Variants in TNS2 observed in about 807,000 individuals in gnomAD.
The protein encoded by TNS2 is tensin-2.
In TNS2, 77 loss-of-function variants were observed where a neutral mutation model predicts 155.7. The observed-to-expected ratio is 0.49, with a 90% CI of 0.41 to 0.60. The LOEUF is 0.60. Ranked by LOEUF, TNS2 falls within the 20% of genes least tolerant of loss-of-function variation. The pLI, the probability that TNS2 is intolerant of heterozygous loss-of-function variation, is 0.00. For missense variants in TNS2, 1,703 were observed against 1,868.8 expected (o/e 0.91, Z 1.64); for synonymous variants, 726 against 763.9 (o/e 0.95, Z 0.82).
Position 53,054,356 on chromosome 12 carries a change from C to T in TNS2, c.437C>T (p.Pro146Leu), listed in dbSNP as rs1944051671. The T allele has an allele frequency of 2.5e-6, 4 of 1,612,552 alleles. No homozygotes were observed. The highest frequency in any genetic ancestry group is 3.4e-6 in the Non-Finnish European group (4 of 1,179,818). The change falls in exon 7 of 29, where the codon CCC (proline) becomes CTC (leucine). Residue 146 changes from proline (P) to leucine (L), a missense_variant. Pro to Leu is a moderately conservative substitution (Grantham distance 98). Transcript: ENST00000314250. ...VTERILAAAFPARPDEQRHRG... is the reference protein window; with the variant it reads ...VTERILAAAFLARPDEQRHRG... ...GAGCGCATCTTGGCCGCCGCCTTCC[C>T]CGCGCGGCCCGATGAACAGCGGCAC... is the stretch of plus-strand genomic sequence containing the variant.
At chr12:53,053,919 AG>A (rs764760032) in intron 5 of TNS2, 45 bp from the exon 6 acceptor site, 8 of 1,614,016 alleles carry the variant, frequency 5.0e-6, no homozygotes, top group Middle Eastern at 1.6e-4. Context: ...AGTCTAGAGT[AG>A]GGGGTACCCA....
Position 53,063,960 on chromosome 12 carries a change from G to A in TNS2, c.*78G>A, listed in dbSNP as rs1807312357. The A allele has an allele frequency of 1.3e-6, 2 of 1,523,666 alleles. No individual in the cohort carries two copies. The highest frequency in any genetic ancestry group is 1.8e-6 in the Non-Finnish European group (2 of 1,122,202). The allele number at this position is 1,523,666 out of a possible 1,614,324, so 94.4% of individuals were successfully genotyped here. A position where few individuals can be genotyped will look rare whatever the true frequency, so the allele number is the denominator to read the frequency against. On this transcript the variant is annotated 3_prime_UTR_variant, in exon 29 of 29. Transcript: ENST00000314250. The surrounding 1 kb of genome is among the most constrained non-coding windows in gnomAD (Gnocchi z 5.6). ...CCACAGCCCTCACATCCCCTGGCCT[G>A]GACCCAGGAGACCCAGGAGAAAGCA... is the stretch of plus-strand genomic sequence containing the variant.
chr12:53,058,140 T>C, intron 14 of TNS2, 38 bp downstream of exon 14: 5 of 1,613,686 alleles, frequency 3.1e-6, no homozygotes, highest in Non-Finnish European at 4.2e-6. Flanking sequence ...ATCCTGGAGA[T>C]GGGGCAGGGG....
At chr12:53,058,154 G>C in intron 14 of TNS2, 52 bp downstream of exon 14, 5 of 1,613,166 alleles carry the variant, frequency 3.1e-6, no homozygotes, top group Non-Finnish European at 4.2e-6. Context: ...GCAGGGGTTG[G>C]TGGTGTAACG....
In TNS2 at chr12:53,054,390, C is replaced by A. The variant is rs750638637; in HGVS notation, c.471C>A (p.His157Gln). 6.2e-7 allele frequency: 1 copy of A among 1,610,862 alleles called. No homozygotes were observed. Among genetic ancestry groups the A allele is most frequent in the African/African-American group, 1.3e-5 (1 of 74,768 alleles). ...CCGATGAACAGCGGCACCGGGGCCA[C>A]CTGCGCGAGCTGGCCCATGTGCTGC... The part of the protein sequence containing the change: ...ARPDEQRHRG[H>Q]LRELAHVLQS... The change falls in exon 7 of 29, where the codon CAC becomes CAA. Residue 157 changes from histidine (H) to glutamine (Q), a missense_variant. Coordinates refer to ENST00000314250, the MANE Select transcript of TNS2 (RefSeq NM_170754.4).
chr12:53,060,340 G>A lies in TNS2; in HGVS notation c.2618-65G>A. 6.3e-7 allele frequency: 1 copy of A among 1,577,386 alleles called. No individual in the cohort carries two copies. The highest frequency in any genetic ancestry group is 8.6e-7 in the Non-Finnish European group (1 of 1,158,796). On this transcript the variant is annotated intron_variant, in intron 18 of 28. Coordinates refer to ENST00000314250, the MANE Select transcript of TNS2 (RefSeq NM_170754.4). The surrounding 1 kb of genome is among the most constrained non-coding windows in gnomAD (Gnocchi z 6.1). ...GGGAAGTCAAGGGGGAACAGGGTGA[G>A]AAACAGCTAAGCCAGACAGAAGAGC...
At position 53,057,045 on chromosome 12, in the gene TNS2, G is replaced by A. The variant is rs148774949; in HGVS notation, c.794G>A (p.Arg265Gln). The A allele has an allele frequency of 3.7e-5, 59 of 1,613,638 alleles. No individual in the cohort carries two copies. Among genetic ancestry groups the A allele is most frequent in the Middle Eastern group, 1.6e-4 (1 of 6,084 alleles). The change falls in exon 11 of 29, where the codon CGG becomes CAG. Residue 265 changes from arginine to glutamine, a missense_variant. By Grantham distance (43) the Arg-to-Gln change is conservative. Coordinates refer to ENST00000314250, the MANE Select transcript of TNS2 (RefSeq NM_170754.4). ...CAGGCACTGGCCACTCTTACCATGC[G>A]GAAATTCTGCGAGGACAAGGTGGCC... is the stretch of plus-strand genomic sequence containing the variant. ...ADQALATLTMRKFCEDKVATE... is the reference protein window; with the variant it reads ...ADQALATLTMQKFCEDKVATE...
In TNS2 at chr12:53,063,895, A is replaced by G; in HGVS notation, c.*13A>G. 1 of 1,613,524 alleles carries G rather than the reference A, an allele frequency of 6.2e-7. No individual in the cohort carries two copies. Among genetic ancestry groups the G allele is most frequent in the Non-Finnish European group, 8.5e-7 (1 of 1,179,738 alleles). On this transcript the variant is annotated 3_prime_UTR_variant, in exon 29 of 29. Transcript: ENST00000314250. This position sits in a 1 kb window ranked among gnomAD's most constrained non-coding sequence, Gnocchi z 5.6. ...CCAGAGAAAATGAAGGAAGGCCACAAGCTCAGAGCCCACATCAACACTGCC... is the reference window on the plus strand; with the variant it reads ...CCAGAGAAAATGAAGGAAGGCCACAGGCTCAGAGCCCACATCAACACTGCC...
chr12:53,062,519 G>A, intron 24 of TNS2, 66 bp downstream of exon 24: 2 of 1,608,770 alleles, frequency 1.2e-6, no homozygotes, highest in African/African-American at 2.7e-5. Flanking sequence ...AGGATCCAGA[G>A]GTCTTGGCTC....
In TNS2 at chr12:53,057,688, G is replaced by A. The variant is rs1161854524; in HGVS notation, c.958+9G>A. ...CTTTGAACCTGGCACAGGTGAGTCT[G>A]CCTGAGATGTGCTCCCTAGGGAGAA... On this transcript the variant is annotated intron_variant, in intron 12 of 28. Transcript: ENST00000314250. 6.2e-7 allele frequency: 1 copy of A among 1,614,040 alleles called. No homozygotes were observed. The highest frequency in any genetic ancestry group is 1.1e-5 in the South Asian group (1 of 91,068).
rs1944337519 is a variant in TNS2, at chr12:53,060,386, C to T, written c.2618-19C>T. On this transcript the variant is annotated intron_variant, in intron 18 of 28. Transcript: ENST00000314250. The surrounding 1 kb of genome is among the most constrained non-coding windows in gnomAD (Gnocchi z 6.1). The stretch of plus-strand genomic sequence containing the variant: ...AGAGCCCCATCCTGCTCACAGCCCA[C>T]CTCTCCCCTTCACTGCAGAGTCGCT... 1 of 1,608,428 alleles carries T rather than the reference C, an allele frequency of 6.2e-7. No homozygotes were observed. The highest frequency in any genetic ancestry group is 1.7e-5 in the Admixed American group (1 of 59,824).
At chr12:53,061,963 T>TG (rs1395536147) in intron 22 of TNS2, 23 bp downstream of exon 22, 1 of 1,607,926 alleles carries the variant, frequency 6.2e-7, no homozygotes, top group Admixed American at 1.7e-5. Flanking sequence ...CAAACCTGAG[T>TG]GGGGTGGGGA....
At chr12:53,053,550 C>T (rs954029422) in intron 4 of TNS2, 101 bp downstream of exon 4, 17 of 1,495,156 alleles carry the variant, frequency 1.1e-5, no homozygotes, top group African/African-American at 5.5e-5. Flanking sequence ...TGACCTTGAA[C>T]GGAGTGCTGT....
chr12:53,053,384 T>C, intron 3 of TNS2, 27 bp from the exon 4 acceptor site: 1 of 1,613,834 alleles, frequency 6.2e-7, no homozygotes, highest in Non-Finnish European at 8.5e-7. Flanking sequence ...CACCAGGAGC[T>C]CAGTTCCTTA....
At chr12:53,047,173 C>CCACGGG (rs1279170622), upstream of TNS2, 2 of 48,740 alleles carry the variant, frequency 4.1e-5, no homozygotes, top group Non-Finnish European at 1.1e-4. Flanking sequence ...GAGCGGGCTG[C>CCACGGG]CACGGGCGCG....
chr12:53,061,724 G>C (rs937829617), intron 21 of TNS2, 91 bp from the exon 22 acceptor site: 1 of 1,544,274 alleles, frequency 6.5e-7, no homozygotes, highest in Non-Finnish European at 8.7e-7. Flanking sequence ...CAGAGACCAT[G>C]GAGCTTGGCA....
rs1335904355 is a variant in TNS2, at chr12:53,057,056, G to A, written c.805G>A (p.Glu269Lys). 22 of 1,613,638 alleles carry A rather than the reference G, an allele frequency of 1.4e-5. No homozygotes were observed. Among genetic ancestry groups the A allele is most frequent in the African/African-American group, 2.7e-5 (2 of 74,922 alleles). ...CACTCTTACCATGCGGAAATTCTGC[G>A]AGGACAAGGTGGCCACAGAACTGCA... ...LATLTMRKFC[E>K]DKVATELQPS... The change falls in exon 11 of 29, where the codon GAG becomes AAG. Residue 269 changes from glutamate to lysine, a missense_variant. Glu to Lys is a moderately conservative substitution (Grantham distance 56). Coordinates refer to ENST00000314250, the MANE Select transcript of TNS2 (RefSeq NM_170754.4).
rs1446758320 is a variant in TNS2 at position 53,060,696 on chromosome 12, G to A, written c.2790G>A (p.Arg930=). 1 of 1,583,274 alleles carries A rather than the reference G, an allele frequency of 6.3e-7. No homozygotes were observed. Among genetic ancestry groups the A allele is most frequent in the Non-Finnish European group, 8.6e-7 (1 of 1,160,370 alleles). Residue 930 remains arginine (R), a synonymous_variant, in exon 20 of 29, where the codon AGG becomes AGA. Transcript: ENST00000314250. This position sits in a 1 kb window ranked among gnomAD's most constrained non-coding sequence, Gnocchi z 6.1. ...GKESTRRQDT[R]SPTSAPTQRL... ...ACAGCACCCGGCGACAGGACACCAG[G>A]TCCCCCACCTCAGCGCCCACTCAGA...
Position 53,060,136 on chromosome 12 carries a change from C to T in TNS2, c.2495C>T (p.Ser832Phe), listed in dbSNP as rs563844075. The T allele has an allele frequency of 5.2e-5, 84 of 1,610,300 alleles. No homozygotes were observed. The highest frequency in any genetic ancestry group is 1.5e-4 in the Admixed American group (9 of 59,854). The change falls in exon 18 of 29, where the codon TCC becomes TTC. Residue 832 changes from serine (S) to phenylalanine (F), a missense_variant. Coordinates refer to ENST00000314250, the MANE Select transcript of TNS2 (RefSeq NM_170754.4). This position sits in a 1 kb window ranked among gnomAD's most constrained non-coding sequence, Gnocchi z 6.1. ...CACTCCCCACGGGCTGGCTCCATTTCCCCGGGCAGCCCGCCCTATCCACAA... is the reference window on the plus strand; with the variant it reads ...CACTCCCCACGGGCTGGCTCCATTTTCCCGGGCAGCCCGCCCTATCCACAA... ...GAHSPRAGSI[S>F]PGSPPYPQSR...
Sources: allele counts gnomAD v4.1 joint callset, GRCh38; gene constraint gnomAD v4.1.1; non-coding constraint Gnocchi (gnomAD v3.1); transcripts MANE v1.5; gene names NCBI Gene and HGNC (gene_info 2026-07-23, HGNC 2026-07-21).